Variants in CCDC15 observed in about 807,000 individuals in gnomAD.
The protein encoded by CCDC15 is coiled-coil domain-containing protein 15.
CCDC15 carries 105 observed loss-of-function variants against 114.5 expected under a neutral mutation model. That is an observed-to-expected ratio of 0.92 (90% CI 0.78 to 1.08). The LOEUF is 1.08. Among genes scored for constraint, CCDC15 ranks in the 50% least tolerant of loss-of-function variants. CCDC15 has a pLI of 0.00. For synonymous variants in CCDC15, 334 were observed against 377.8 expected, an observed-to-expected ratio of 0.88 and a Z score of 1.34; for missense variants, 1,105 against 1,093.6, an observed-to-expected ratio of 1.01 and a Z score of -0.15.
intron 4 of CCDC15, 144 bp from the exon 5 acceptor site, chr11:124,974,952 A>G: frequency 1.9e-6 from 1 of 527,570 alleles, no homozygotes; most frequent in Non-Finnish European, 3.4e-6. Flanking sequence ...TCAGCACATC[A>G]AAGTCTCCTT....
intron 2 of CCDC15, 107 bp from the exon 3 acceptor site, chr11:124,959,007 TA>T: frequency 4.4e-6 from 3 of 674,534 alleles, no homozygotes. Flanking sequence ...AGAATGGAAT[TA>T]TTTTTTTCAG....
intron 6 of CCDC15, among the ~76,000 whole-genome samples, chr11:124,981,547 A>G (rs951702544): frequency 1.3e-5 from 2 of 151,770 alleles, no homozygotes; most frequent in African/African-American, 2.4e-5. Context: ...GTTTTACCAT[A>G]TTGGCCAGTC....
At chr11:124,963,120 A>G (rs1192319890) in intron 4 of CCDC15, among the ~76,000 whole-genome samples, 1 of 152,116 alleles carries the variant, frequency 6.6e-6, no homozygotes, top group Non-Finnish European at 1.5e-5. Flanking sequence ...ATGTGTCTTT[A>G]TAGTAGCATG....
At chr11:125,024,340 T>C (rs534609678) in intron 13 of CCDC15, among the ~76,000 whole-genome samples, 1 of 152,082 alleles carries the variant, frequency 6.6e-6, no homozygotes, top group Non-Finnish European at 1.5e-5. Context: ...AAATTAGTGT[T>C]TCAGTTTCTA....
At chr11:125,008,487 C>A (rs1019204576) in intron 13 of CCDC15, among the ~76,000 whole-genome samples, 1 of 152,250 alleles carries the variant, frequency 6.6e-6, no homozygotes, top group African/African-American at 2.4e-5. Flanking sequence ...TCTTCTTTCC[C>A]AGTCTGTATG....
chr11:124,974,041 C>G (rs1291989359), intron 4 of CCDC15, among the ~76,000 whole-genome samples: 1 of 152,122 alleles, frequency 6.6e-6, no homozygotes, highest in Admixed American at 6.5e-5. Flanking sequence ...GTGGCGCTAT[C>G]TCGTCTCACT....
At chr11:124,991,194 C>T (rs1011094577) in intron 8 of CCDC15, among the ~76,000 whole-genome samples, 1 of 152,140 alleles carries the variant, frequency 6.6e-6, no homozygotes, top group African/African-American at 2.4e-5. Flanking sequence ...CAGGCATCAT[C>T]AGGCCTCCAT....
intron 13 of CCDC15, among the ~76,000 whole-genome samples, chr11:125,018,389 G>T (rs868767669): frequency 6.6e-6 from 1 of 152,136 alleles, no homozygotes; most frequent in South Asian, 2.1e-4. Context: ...ATCTAGGTTT[G>T]TGGAAGGACA....
chr11:125,036,559 C>T (rs575385975), intron 13 of CCDC15, among the ~76,000 whole-genome samples: 6 of 152,068 alleles, frequency 3.9e-5, no homozygotes, highest in Non-Finnish European at 7.4e-5. Context: ...AAACTTTCTA[C>T]CCTCATCTTT....
At chr11:125,012,559 A>G (rs1365026169) in intron 13 of CCDC15, among the ~76,000 whole-genome samples, 1 of 152,200 alleles carries the variant, frequency 6.6e-6, no homozygotes, top group Non-Finnish European at 1.5e-5. Flanking sequence ...GTGAGCACAG[A>G]AGAAGGGATT....
intron 4 of CCDC15, among the ~76,000 whole-genome samples, chr11:124,960,641 G>A (rs965163571): frequency 3.3e-5 from 5 of 151,938 alleles, no homozygotes; most frequent in African/African-American, 4.8e-5. Flanking sequence ...TAGTAAATTC[G>A]TAACATATCC....
At chr11:125,015,357 A>G (rs997585062) in intron 13 of CCDC15, among the ~76,000 whole-genome samples, 6 of 152,170 alleles carry the variant, frequency 3.9e-5, no homozygotes, top group Non-Finnish European at 5.9e-5. Context: ...ACTAATCAGT[A>G]AAAAGAAAAA....
At chr11:124,992,888 A>G (rs1039195160) in intron 10 of CCDC15, among the ~76,000 whole-genome samples, 2 of 152,198 alleles carry the variant, frequency 1.3e-5, no homozygotes, top group African/African-American at 4.8e-5. Flanking sequence ...GCTTTAAAAT[A>G]CTCCAGGAAA....
At chr11:125,027,961 A>G (rs1948715839) in intron 13 of CCDC15, among the ~76,000 whole-genome samples, 1 of 152,166 alleles carries the variant, frequency 6.6e-6, no homozygotes, top group African/African-American at 2.4e-5. Context: ...ATGGCTTGCC[A>G]GTTATTCCAA....
chr11:125,032,976 T>C (rs1948751113), intron 13 of CCDC15, among the ~76,000 whole-genome samples: 1 of 152,192 alleles, frequency 6.6e-6, no homozygotes, highest in Non-Finnish European at 1.5e-5. Context: ...CAGTGCACAG[T>C]TACCCTGGTA....
chr11:125,022,081 A>C (rs1948664236), intron 13 of CCDC15, among the ~76,000 whole-genome samples: 1 of 151,918 alleles, frequency 6.6e-6, no homozygotes, highest in South Asian at 2.1e-4. Context: ...CTGTGATCTT[A>C]GGCTCGTCTT....
intron 13 of CCDC15, among the ~76,000 whole-genome samples, chr11:125,022,222 T>G (rs1267946265): frequency 6.6e-6 from 1 of 151,986 alleles, no homozygotes; most frequent in East Asian, 1.9e-4. Context: ...GGCCTTTTTC[T>G]ATATTACCTT....
rs745906499 is a variant in CCDC15 at position 125,040,652 on chromosome 11, C to T, written c.2797C>T (p.Leu933Phe). 6.2e-7 allele frequency: 1 copy of T among 1,611,894 alleles called. No homozygotes were observed. Residue 933 changes from leucine to phenylalanine, a missense_variant, in exon 16 of 16, where the codon CTT (leucine) becomes TTT (phenylalanine). Leu to Phe is a conservative substitution (Grantham distance 22). Coordinates refer to ENST00000344762, the MANE Select transcript of CCDC15 (RefSeq NM_025004.3). ...TGATGTCCCTGGGGGTAATTCAACT[C>T]TTCGAGTCGCAATTCATAATTTTGC... is the stretch of plus-strand genomic sequence containing the variant. ...SCDVPGGNST[L>F]RVAIHNFASA... is the part of the protein sequence containing the mutation.
In CCDC15 at chr11:124,959,128, T is replaced by G. The variant is rs1332532665; in HGVS notation, c.191T>G (p.Leu64Ter). ...TCATCTTTAAAGACATCAGCATATTTAATTGAAGAAGAACTAAAGGAACAG... is the reference window on the plus strand; with the variant it reads ...TCATCTTTAAAGACATCAGCATATTGAATTGAAGAAGAACTAAAGGAACAG... ...SEIPAYTSAY[L>*]IEEELKEQLR... The change falls in exon 3 of 16, where the codon TTA (leucine) becomes TGA (stop). Residue 64 changes from leucine (L) to a stop codon, truncating the protein, a stop_gained. Coordinates refer to ENST00000344762, the MANE Select transcript of CCDC15 (RefSeq NM_025004.3). LOFTEE classifies it high-confidence loss of function. The G allele has an allele frequency of 6.4e-7, 1 of 1,566,550 alleles. No homozygotes were observed. The highest frequency in any genetic ancestry group is 8.6e-7 in the Non-Finnish European group (1 of 1,160,936).
Sources: gnomAD v4.1 joint callset for allele counts (sites outside exome capture counted in the v4.1 genomes callset) on GRCh38, gnomAD v4.1.1 for gene constraint, MANE v1.5 for transcripts, NCBI Gene and HGNC (gene_info 2026-07-23, HGNC 2026-07-21) for gene names.